The following GFRA1 variants were observed in gnomAD, a reference collection of about 807,000 sequenced individuals.
GFRA1 encodes the protein GDNF family receptor alpha-1.
A neutral mutation model predicts 51.6 loss-of-function variants in GFRA1; 16 were observed. The ratio of observed to expected loss-of-function variants is 0.31; its 90% confidence interval spans 0.21 to 0.47. GFRA1 has a LOEUF of 0.47. Among genes scored for constraint, GFRA1 ranks in the 20% least tolerant of loss-of-function variants. The pLI, the probability that GFRA1 is intolerant of heterozygous loss-of-function variation, is 1.00. For missense variants in GFRA1, 530 were observed against 594.3 expected (o/e 0.89, Z 1.13); for synonymous variants, 270 against 241.3 (o/e 1.12, Z -1.10).
intron 5 of GFRA1, among the ~76,000 whole-genome samples, chr10:116,206,790 G>A (rs551870506): frequency 2.0e-5 from 3 of 150,570 alleles, no homozygotes; most frequent in South Asian, 2.1e-4. Flanking sequence ...CTGCCACGAC[G>A]CCTGGCTAAT....
chr10:116,244,445 A>G (rs960469340), intron 4 of GFRA1, among the ~76,000 whole-genome samples: 3 of 146,454 alleles, frequency 2.0e-5, no homozygotes, highest in Admixed American at 6.8e-5. Flanking sequence ...AATAATTAAA[A>G]TTTAATTTAA....
chr10:116,212,247 C>T (rs113449633), intron 4 of GFRA1, among the ~76,000 whole-genome samples: 455 of 152,162 alleles, frequency 3.0e-3, no homozygotes, highest in Non-Finnish European at 4.4e-3. Flanking sequence ...GGGCCAGGCA[C>T]GGTGGCTCAT....
intron 6 of GFRA1, among the ~76,000 whole-genome samples, chr10:116,115,538 C>T (rs1194715466): frequency 6.6e-6 from 1 of 152,104 alleles, no homozygotes; most frequent in Non-Finnish European, 1.5e-5. Flanking sequence ...TCACTGAATG[C>T]TAATTAAACA....
In GFRA1 at chr10:116,064,356, T is replaced by A; in HGVS notation, c.*42A>T. On this transcript the variant is annotated 3_prime_UTR_variant, in exon 11 of 11. Coordinates refer to ENST00000355422, the MANE Select transcript of GFRA1 (RefSeq NM_005264.8). ...GAGAACAGGAAACAGATAACTTGGT[T>A]TTTGTCTTTTTACATGTCCATATTG... The A allele has an allele frequency of 6.3e-7, 1 of 1,575,612 alleles. No individual in the cohort carries two copies. The highest frequency in any genetic ancestry group is 1.1e-5 in the South Asian group (1 of 89,718).
rs113427731 is a variant in GFRA1, at chr10:116,166,857, C to T, written c.434-41300G>A. Among the ~76,000 whole-genome samples the T allele has an allele frequency of 5.0e-4, 61 of 123,064 alleles. 2 individuals carry two copies. The highest frequency in any genetic ancestry group is 1.4e-3 in the African/African-American group (46 of 32,596). The allele number at this position is 123,064 out of a possible 152,430, so 80.7% of individuals were successfully genotyped here. On this transcript the variant is annotated intron_variant, in intron 5 of 10. Transcript: ENST00000355422. ...CTCTGTGGCCCAGGCTGGAGTGCAGCGGTGCGATCTCGGCACACTGCAAGC... is the reference window on the plus strand; with the variant it reads ...CTCTGTGGCCCAGGCTGGAGTGCAGTGGTGCGATCTCGGCACACTGCAAGC...
chr10:116,092,421 T>C lies in GFRA1; in HGVS notation c.1015+1281A>G, dbSNP rs1053435054. ...GCTTTTGTGTGTGTGTGCGTGTGTG[T>C]GCGTGTGTATGCATAGTAAACTATT... On this transcript the variant is annotated intron_variant, in intron 8 of 10. Coordinates refer to ENST00000355422, the MANE Select transcript of GFRA1 (RefSeq NM_005264.8). 1.7e-4 allele frequency among the ~76,000 whole-genome samples: 26 copies of C among 151,390 alleles called. No homozygotes were observed. The South Asian group carries it at 4.7e-3, about 27-fold the overall frequency.
chr10:116,135,487 G>C (rs1298037519), intron 5 of GFRA1, among the ~76,000 whole-genome samples: 1 of 152,104 alleles, frequency 6.6e-6, no homozygotes, highest in Non-Finnish European at 1.5e-5. Context: ...GCACATATTT[G>C]AGCATAATGC....
rs1279902457 is a variant in GFRA1, at chr10:116,272,235, G to T, written c.-206C>A. The stretch of plus-strand genomic sequence containing the variant: ...GACTCAGCTCCGGGATGGCGAGGGC[G>T]GGAGGCGGTTCCGCTTTTAGGGGTT... On this transcript the variant is annotated 5_prime_UTR_variant, in exon 2 of 11. Coordinates refer to ENST00000355422, the MANE Select transcript of GFRA1 (RefSeq NM_005264.8). This position sits in a 1 kb window ranked among gnomAD's most constrained non-coding sequence, Gnocchi z 4.4. The T allele has an allele frequency of 1.9e-5, 12 of 616,922 alleles. No individual in the cohort carries two copies. Among genetic ancestry groups the T allele is most frequent in the Non-Finnish European group, 3.5e-5 (12 of 346,860 alleles). The allele number at this position is 616,922 out of a possible 1,614,324, so 38.2% of individuals were successfully genotyped here.
rs1844005944 is a variant in GFRA1, at chr10:116,272,127, C to T, written c.-98G>A. 2.9e-6 allele frequency: 3 copies of T among 1,051,008 alleles called. No homozygotes were observed. The highest frequency in any genetic ancestry group is 2.7e-5 in the South Asian group (2 of 74,048). The allele number at this position is 1,051,008 out of a possible 1,614,324, so 65.1% of individuals were successfully genotyped here. On this transcript the variant is annotated 5_prime_UTR_variant, in exon 2 of 11. Transcript: ENST00000355422. The surrounding 1 kb of genome is among the most constrained non-coding windows in gnomAD (Gnocchi z 4.4). Reference sequence around the variant, plus strand: ...TCAGCGTGCAGCGATCCCCGGACAGCTGTGCTGCTCTGGCCGCCCAAAGTT... The same window carrying T: ...TCAGCGTGCAGCGATCCCCGGACAGTTGTGCTGCTCTGGCCGCCCAAAGTT...
chr10:116,138,635 A>AACC (rs1958431685), intron 5 of GFRA1, among the ~76,000 whole-genome samples: 1 of 120,242 alleles, frequency 8.3e-6, no homozygotes, highest in Non-Finnish European at 1.7e-5. Context: ...GATGGTAGGA[A>AACC]CCCCCCCCCG....
At chr10:116,215,272 G>T (rs542749881) in intron 4 of GFRA1, among the ~76,000 whole-genome samples, 1 of 152,182 alleles carries the variant, frequency 6.6e-6, no homozygotes, top group Non-Finnish European at 1.5e-5. Flanking sequence ...GGCGGTTTCT[G>T]TTCTGTTGGC....
intron 5 of GFRA1, among the ~76,000 whole-genome samples, chr10:116,201,526 G>A (rs1046179593): frequency 2.6e-5 from 4 of 151,998 alleles, no homozygotes; most frequent in South Asian, 2.1e-4. Context: ...CTCACTCCCC[G>A]GAGTTGCCCT....
chr10:116,078,609 G>A (rs1250224210), intron 9 of GFRA1, among the ~76,000 whole-genome samples: 2 of 152,160 alleles, frequency 1.3e-5, no homozygotes, highest in Admixed American at 6.5e-5. Flanking sequence ...CTCCTAGAGT[G>A]GGGAAATAAA....
chr10:116,084,977 T>G (rs747151981), intron 9 of GFRA1, among the ~76,000 whole-genome samples: 31 of 152,328 alleles, frequency 2.0e-4, no homozygotes, highest in Non-Finnish European at 3.7e-4. Flanking sequence ...GCCTGTGCCA[T>G]GCTTGTCACT....
intron 5 of GFRA1, among the ~76,000 whole-genome samples, chr10:116,181,632 T>G (rs942032569): frequency 1.3e-5 from 2 of 151,200 alleles, no homozygotes; most frequent in African/African-American, 4.9e-5. Flanking sequence ...GAGGTTTTTT[T>G]TTGTTGTTTT....
chr10:116,175,029 C>T (rs774617422), intron 5 of GFRA1, among the ~76,000 whole-genome samples: 4 of 152,134 alleles, frequency 2.6e-5, no homozygotes, highest in Non-Finnish European at 4.4e-5. Context: ...CTCCCTCTTT[C>T]GTAGGACTCA....
chr10:116,079,688 G>A (rs772643760), intron 9 of GFRA1, among the ~76,000 whole-genome samples: 5 of 152,052 alleles, frequency 3.3e-5, no homozygotes, highest in Non-Finnish European at 5.9e-5. Context: ...ACAGCCCCCC[G>A]TAACAATTTT....
upstream of GFRA1, among the ~76,000 whole-genome samples, chr10:116,274,091 A>T (rs1291412601): frequency 6.6e-6 from 1 of 152,146 alleles, no homozygotes; most frequent in Non-Finnish European, 1.5e-5. Flanking sequence ...AACAACAACA[A>T]AAAAAGCCTA....
chr10:116,066,331 T>TA (rs1368051290), intron 9 of GFRA1, among the ~76,000 whole-genome samples: 2 of 152,064 alleles, frequency 1.3e-5, no homozygotes, highest in Non-Finnish European at 2.9e-5. Context: ...CAGGGACCCT[T>TA]TCAGATGGGC....
Sources: gnomAD v4.1 joint callset for allele counts (sites outside exome capture counted in the v4.1 genomes callset) on GRCh38, gnomAD v4.1.1 for gene constraint, Gnocchi (gnomAD v3.1) non-coding constraint, MANE v1.5 for transcripts, NCBI Gene and HGNC (gene_info 2026-07-23, HGNC 2026-07-21) for gene names.